AKAP6: variants seen among roughly 807,000 people sequenced by gnomAD.
The protein encoded by AKAP6 is A-kinase anchor protein 6.
A neutral mutation model predicts 188.5 loss-of-function variants in AKAP6; 58 were observed. The observed-to-expected ratio is 0.31, with a 90% CI of 0.25 to 0.38. AKAP6 has a LOEUF of 0.38. AKAP6 is among the 10% of genes least tolerant of loss of function. AKAP6 has a pLI of 1.00. For missense variants in AKAP6, 2,710 were observed against 2,740.0 expected (o/e 0.99, Z 0.24); for synonymous variants, 989 against 998.6 (o/e 0.99, Z 0.18).
chr14:32,680,406 C>T (rs980038668), intron 8 of AKAP6, among the ~76,000 whole-genome samples: 3 of 152,130 alleles, frequency 2.0e-5, no homozygotes, highest in African/African-American at 4.8e-5. Context: ...AATTCTAAAG[C>T]CTTAAGAAAG....
intron 8 of AKAP6, among the ~76,000 whole-genome samples, chr14:32,689,819 G>T (rs930884671): frequency 6.6e-6 from 1 of 151,962 alleles, no homozygotes; most frequent in Non-Finnish European, 1.5e-5. Context: ...ATTTTTGCAA[G>T]ATTTTGTTAC....
chr14:32,340,883 C>T (rs1308928610), intron 1 of AKAP6, among the ~76,000 whole-genome samples: 2 of 152,190 alleles, frequency 1.3e-5, no homozygotes, highest in African/African-American at 4.8e-5. Context: ...TATTAGGGCA[C>T]TAACCCCATT....
At chr14:32,445,448 C>G (rs570423714) in intron 2 of AKAP6, among the ~76,000 whole-genome samples, 48 of 152,304 alleles carry the variant, frequency 3.2e-4, no homozygotes, top group African/African-American at 1.1e-3. Flanking sequence ...TCTTGGCTCA[C>G]TGCAACCTCT....
At chr14:32,718,070 A>G (rs1233230266) in intron 9 of AKAP6, among the ~76,000 whole-genome samples, 1 of 152,110 alleles carries the variant, frequency 6.6e-6, no homozygotes, top group African/African-American at 2.4e-5. Context: ...AGATCTAAAG[A>G]TGTATTTTCA....
chr14:32,766,308 A>G (rs189651667), intron 11 of AKAP6, among the ~76,000 whole-genome samples: 151 of 152,276 alleles, frequency 9.9e-4, no homozygotes, highest in Non-Finnish European at 4.1e-4. Context: ...GAATAATGCC[A>G]TTATGAATAT....
chr14:32,410,225 T>C (rs1369811664), intron 1 of AKAP6, among the ~76,000 whole-genome samples: 1 of 152,014 alleles, frequency 6.6e-6, no homozygotes, highest in African/African-American at 2.4e-5. Context: ...TAAGAAATAT[T>C]TTATAACCTA....
At chr14:32,795,783 G>A (rs1257632507) in intron 12 of AKAP6, among the ~76,000 whole-genome samples, 2 of 152,162 alleles carry the variant, frequency 1.3e-5, no homozygotes, top group Non-Finnish European at 1.5e-5. Flanking sequence ...GTTCTGCCCA[G>A]CACAGTGAGG....
At chr14:32,800,061 C>CTCTCTCTCTATATA (rs377693074) in intron 12 of AKAP6, among the ~76,000 whole-genome samples, 26 of 136,944 alleles carry the variant, frequency 1.9e-4, no homozygotes, top group Admixed American at 9.8e-4. Context: ...CTCTCTCTCT[C>CTCTCTCTCTATATA]TATATATATA....
rs527288643 is a variant in AKAP6, at chr14:32,600,050, A to G, written c.2566+544A>G. Among the ~76,000 whole-genome samples the G allele has an allele frequency of 1.2e-4, 19 of 152,340 alleles. No individual in the cohort carries two copies. In the East Asian group the frequency reaches 3.7e-3, roughly 29 times the overall value. On this transcript the variant is annotated intron_variant, in intron 6 of 13. Transcript: ENST00000280979. Reference sequence around the variant, plus strand: ...ATAAGGAACAGATTATAAATAAAAAATAGTTTTGTCATTTGGTTATACTTA... The same window carrying G: ...ATAAGGAACAGATTATAAATAAAAAGTAGTTTTGTCATTTGGTTATACTTA...
chr14:32,773,926 G>A (rs201800206), intron 12 of AKAP6, 33 bp downstream of exon 12: 74 of 1,594,376 alleles, frequency 4.6e-5, no homozygotes, highest in Middle Eastern at 1.7e-4. Context: ...ATAATTGTCT[G>A]TCATTTTCTC....
Position 32,546,309 on chromosome 14 carries a change from C to T in AKAP6, c.1656C>T (p.Ser552=). The T allele has an allele frequency of 1.2e-6, 2 of 1,614,172 alleles. No individual in the cohort carries two copies. Among genetic ancestry groups the T allele is most frequent in the Non-Finnish European group, 1.7e-6 (2 of 1,180,016 alleles). The change falls in exon 4 of 14, where the codon TCC becomes TCT. Residue 552 remains serine, a synonymous_variant. Transcript: ENST00000280979. ...CACAAACAAATTCTGCTTCCACATCCTCACTTGAGCCTTGTAATCAGAGAA... is the reference window on the plus strand; with the variant it reads ...CACAAACAAATTCTGCTTCCACATCTTCACTTGAGCCTTGTAATCAGAGAA... ...EGPQTNSAST[S]SLEPCNQRSW...
chr14:32,413,589 C>T (rs113851255), intron 1 of AKAP6, among the ~76,000 whole-genome samples: 1 of 152,112 alleles, frequency 6.6e-6, no homozygotes, highest in Non-Finnish European at 1.5e-5. Flanking sequence ...CTCCCCAAAA[C>T]CTAACTCAAA....
intron 2 of AKAP6, among the ~76,000 whole-genome samples, chr14:32,483,003 A>ATGTGTGTGTGTGTGTG (rs1415706046): frequency 1.3e-5 from 1 of 77,812 alleles, no homozygotes; most frequent in African/African-American, 3.0e-5. Context: ...ATATATATAT[A>ATGTGTGTGTGTGTGTG]TATATATATG....
At chr14:32,828,132 G>T (rs2034721667) in intron 13 of AKAP6, among the ~76,000 whole-genome samples, 1 of 152,148 alleles carries the variant, frequency 6.6e-6, no homozygotes, top group Non-Finnish European at 1.5e-5. Flanking sequence ...GCAATTACTT[G>T]TATTTGTGCA....
intron 1 of AKAP6, among the ~76,000 whole-genome samples, chr14:32,397,368 TTTTA>T (rs1157572984): frequency 6.6e-6 from 1 of 150,476 alleles, no homozygotes; most frequent in Non-Finnish European, 1.5e-5. Context: ...TCAAAACACT[TTTTA>T]TTGTCTTTTT....
At chr14:32,330,758 A>ATGC (rs957304156) in intron 1 of AKAP6, among the ~76,000 whole-genome samples, 2 of 104,810 alleles carry the variant, frequency 1.9e-5, no homozygotes, top group Non-Finnish European at 3.5e-5. Flanking sequence ...AGAGTTAAGT[A>ATGC]TGCTAGTCCC....
chr14:32,557,783 T>C (rs1416580445), intron 4 of AKAP6, among the ~76,000 whole-genome samples: 1 of 152,228 alleles, frequency 6.6e-6, no homozygotes, highest in Non-Finnish European at 1.5e-5. Context: ...CTTGTCTCTG[T>C]ATTCTCTCTT....
intron 12 of AKAP6, among the ~76,000 whole-genome samples, chr14:32,791,662 T>A (rs948541491): frequency 3.9e-5 from 6 of 152,204 alleles, no homozygotes; most frequent in African/African-American, 1.4e-4. Flanking sequence ...TTGTTGCAAT[T>A]GCTTTTGGTG....
intron 7 of AKAP6, among the ~76,000 whole-genome samples, chr14:32,619,122 C>G (rs1886709610): frequency 6.6e-6 from 1 of 151,018 alleles, no homozygotes; most frequent in African/African-American, 2.5e-5. Context: ...TTCTCCCATT[C>G]TGTGGGTTGT....
Sources: gnomAD v4.1 joint callset for allele counts (sites outside exome capture counted in the v4.1 genomes callset) on GRCh38, gnomAD v4.1.1 for gene constraint, MANE v1.5 for transcripts, NCBI Gene and HGNC (gene_info 2026-07-23, HGNC 2026-07-21) for gene names.